PABPC1: variants seen among roughly 807,000 people sequenced by gnomAD.
PABPC1 encodes the protein polyadenylate-binding protein 1.
In PABPC1, 4 loss-of-function variants were observed where a neutral mutation model predicts 74.0. That is an observed-to-expected ratio of 0.05 (90% CI 0.03 to 0.12). The LOEUF (loss-of-function observed/expected upper bound fraction) is 0.12. PABPC1 is among the 10% of genes least tolerant of loss of function. The probability of loss-of-function intolerance (pLI) is 1.00; values close to 1 mark genes in which losing one functional copy is unlikely to be tolerated. For missense variants in PABPC1, 271 were observed against 821.1 expected, an observed-to-expected ratio of 0.33 and a Z score of 8.19; for synonymous variants, 227 against 264.1, an observed-to-expected ratio of 0.86 and a Z score of 1.36.
At chr8:100,710,632 T>C (rs1810502836) in intron 7 of PABPC1, among the ~76,000 whole-genome samples, 2 of 152,204 alleles carry the variant, frequency 1.3e-5, no homozygotes, top group Admixed American at 1.3e-4. Context: ...CTTTCTAAGA[T>C]GACACACACA....
chr8:100,705,154 G>C, intron 12 of PABPC1, 98 bp from the exon 13 acceptor site: 4 of 924,230 alleles, frequency 4.3e-6, no homozygotes, highest in Non-Finnish European at 6.6e-6. Flanking sequence ...CCATACTTCT[G>C]TCTCACGTAT....
intron 9 of PABPC1, among the ~76,000 whole-genome samples, chr8:100,708,414 C>T (rs532527865): frequency 6.6e-6 from 1 of 152,022 alleles, no homozygotes; most frequent in Non-Finnish European, 1.5e-5. Context: ...CAAGACCATG[C>T]CACTGCACTC....
At chr8:100,715,664 C>T in intron 3 of PABPC1, 63 bp from the exon 4 acceptor site, 1 of 1,234,600 alleles carries the variant, frequency 8.1e-7, no homozygotes, top group Non-Finnish European at 1.1e-6. Context: ...ATTAAGTAAG[C>T]CTGATGGTTG....
Position 100,713,768 on chromosome 8 carries a change from T to C in PABPC1, c.644-587A>G, listed in dbSNP as rs560753031. Among the ~76,000 whole-genome samples the C allele has an allele frequency of 1.2e-3, 183 of 152,330 alleles. 1 individual carries two copies. Among genetic ancestry groups the C allele is most frequent in the Non-Finnish European group, 2.4e-3 (160 of 68,016 alleles). On this transcript the variant is annotated intron_variant, in intron 4 of 14. Transcript: ENST00000318607. ...TCCCCAAGCGCTAGGGTTACAGGCA[T>C]GAGCTATTGTGCTAAGACCAATTTG...
intron 3 of PABPC1, 98 bp downstream of exon 3, chr8:100,717,675 T>C: frequency 1.4e-6 from 1 of 732,474 alleles, no homozygotes; most frequent in South Asian, 1.8e-5. Flanking sequence ...CTTATGTGCA[T>C]CTAACTTCTC....
chr8:100,711,354 T>C (rs1460842616), intron 7 of PABPC1, among the ~76,000 whole-genome samples: 1 of 151,942 alleles, frequency 6.6e-6, no homozygotes. Context: ...TTGGGCCGCA[T>C]GTGGCCTGCA....
In PABPC1 at chr8:100,703,012, A is replaced by T. The variant is rs955263161; in HGVS notation, c.*349T>A. 7 of 156,398 alleles carry T rather than the reference A, an allele frequency of 4.5e-5. No individual in the cohort carries two copies. The South Asian group carries it at 1.4e-3, about 32-fold the overall frequency. 9.7% of individuals were successfully genotyped at this position (156,398 alleles called of 1,614,324 possible). A position where few individuals can be genotyped will look rare whatever the true frequency, so the allele number is the denominator to read the frequency against. On this transcript the variant is annotated 3_prime_UTR_variant, in exon 15 of 15. Transcript: ENST00000318607. The stretch of plus-strand genomic sequence containing the variant: ...TTCTGTTACTTAAAACAGAACTGAC[A>T]TTCTGAGCTATTCCACAGTAAAGAA...
intron 9 of PABPC1, chr8:100,707,253 C>A (rs1313754700): frequency 1.6e-5 from 5 of 309,590 alleles, no homozygotes; most frequent in East Asian, 7.9e-5. Context: ...TATGCAGCGA[C>A]GAGAGAGTGC....
At chr8:100,718,719 C>T (rs1384258089) in intron 1 of PABPC1, among the ~76,000 whole-genome samples, 2 of 152,046 alleles carry the variant, frequency 1.3e-5, no homozygotes, top group Non-Finnish European at 2.9e-5. Flanking sequence ...TAACTTCTTC[C>T]CAACTACTTG....
intron 12 of PABPC1, 125 bp downstream of exon 12, chr8:100,705,464 A>G (rs895662019): frequency 5.5e-6 from 4 of 732,948 alleles, no homozygotes; most frequent in East Asian, 2.7e-5. Flanking sequence ...CTGTACTATC[A>G]TAATCATTCA....
chr8:100,712,490 A>G, intron 6 of PABPC1, 33 bp from the exon 7 acceptor site: 1 of 1,516,960 alleles, frequency 6.6e-7, no homozygotes, highest in Non-Finnish European at 9.0e-7. Context: ...ATAGAAAAAG[A>G]AAACCATGGT....
chr8:100,709,385 C>T, intron 8 of PABPC1, 74 bp downstream of exon 8: 29 of 1,549,928 alleles, frequency 1.9e-5, no homozygotes, highest in South Asian at 2.3e-5. Context: ...ATTTGCGGGG[C>T]GAGGGGCACA....
chr8:100,704,290 A>T lies in PABPC1; in HGVS notation c.*1+7T>A, dbSNP rs1236679383. 2 of 1,604,976 alleles carry T rather than the reference A, an allele frequency of 1.2e-6. No homozygotes were observed. The highest frequency in any genetic ancestry group is 8.5e-7 in the Non-Finnish European group (1 of 1,171,880). On this transcript the variant is annotated splice_region_variant and intron_variant, in intron 14 of 14. Coordinates refer to ENST00000318607, the MANE Select transcript of PABPC1 (RefSeq NM_002568.4). ...CTTAAAACAACAAACCAGAGGGAAA[A>T]GCTCACTTTAAACAGTTGGAACACC...
intron 1 of PABPC1, among the ~76,000 whole-genome samples, chr8:100,719,846 C>T (rs995958734): frequency 2.0e-5 from 3 of 152,222 alleles, no homozygotes; most frequent in African/African-American, 4.8e-5. Context: ...TTATCTACCC[C>T]CATCTGACAT....
intron 9 of PABPC1, 165 bp from the exon 10 acceptor site, chr8:100,707,162 A>G (rs1028053244): frequency 1.8e-5 from 10 of 549,004 alleles, no homozygotes; most frequent in African/African-American, 1.1e-4. Flanking sequence ...CAGAGCATCA[A>G]TAAGTAAAAA....
chr8:100,706,209 G>A (rs991916829), intron 11 of PABPC1, among the ~76,000 whole-genome samples: 2 of 152,182 alleles, frequency 1.3e-5, no homozygotes, highest in African/African-American at 2.4e-5. Context: ...TGAATTTCTC[G>A]CTGCTTGTCC....
rs569654380 is a variant in PABPC1, at chr8:100,712,517, G to A, written c.877-60C>T. 8.3e-6 allele frequency: 12 copies of A among 1,451,244 alleles called. 1 individual carries two copies. In the South Asian group the frequency reaches 1.0e-4, roughly 12 times the overall value. The allele number at this position is 1,451,244 out of a possible 1,614,324, so 89.9% of individuals were successfully genotyped here. On this transcript the variant is annotated intron_variant, in intron 6 of 14. Coordinates refer to ENST00000318607, the MANE Select transcript of PABPC1 (RefSeq NM_002568.4). ...AACCATGGTGGTACCTAAGTACATCGGGTCTATTATTTTACCCCATATTTC... is the reference window on the plus strand; with the variant it reads ...AACCATGGTGGTACCTAAGTACATCAGGTCTATTATTTTACCCCATATTTC...
chr8:100,705,090 TAAA>T (rs557936751), intron 12 of PABPC1, 34 bp from the exon 13 acceptor site: 15 of 1,589,162 alleles, frequency 9.4e-6, no homozygotes, highest in Non-Finnish European at 1.3e-5. Flanking sequence ...CTCCCTTCAA[TAAA>T]AAAAAGTTTT....
In PABPC1 at chr8:100,713,033, C is replaced by T. The variant is rs946497375; in HGVS notation, c.738+54G>A. The T allele has an allele frequency of 2.1e-5, 27 of 1,285,760 alleles. No individual in the cohort carries two copies. The Admixed American group carries it at 5.5e-4, about 26-fold the overall frequency. 79.6% of individuals were successfully genotyped at this position (1,285,760 alleles called of 1,614,324 possible). ...ATTAGTATGCACATAGACTTCAACA[C>T]AAGAGCAACTCAACTTTGTACCCCC... On this transcript the variant is annotated intron_variant, in intron 5 of 14. Transcript: ENST00000318607.
Sources: allele counts gnomAD v4.1 joint callset (sites outside exome capture counted in the v4.1 genomes callset), GRCh38; gene constraint gnomAD v4.1.1; transcripts MANE v1.5; gene names NCBI Gene and HGNC (gene_info 2026-07-23, HGNC 2026-07-21).